Variants in CSMD1 observed in about 807,000 individuals in gnomAD.
The protein encoded by CSMD1 is CUB and Sushi multiple domains 1.
CSMD1 carries 213 observed loss-of-function variants against 417.5 expected under a neutral mutation model. That is an observed-to-expected ratio of 0.51 (90% CI 0.46 to 0.57). The LOEUF (loss-of-function observed/expected upper bound fraction) is 0.57, where lower values mean the gene tolerates loss of function less well. Ranked by LOEUF, CSMD1 falls within the 20% of genes least tolerant of loss-of-function variation. The pLI is 0.00. For missense variants in CSMD1, 6,923 were observed against 4,529.7 expected (o/e 1.53, Z -15.17); for synonymous variants, 2,862 against 1,736.8 (o/e 1.65, Z -16.11).
At chr8:4,611,222 T>C (rs1233375188) in intron 2 of CSMD1, among the ~76,000 whole-genome samples, 1 of 152,174 alleles carries the variant, frequency 6.6e-6, no homozygotes, top group Admixed American at 6.5e-5. Context: ...ATAAAGGAAA[T>C]CTTACAATGG....
In CSMD1 at chr8:4,829,847, A is replaced by T. The variant is rs1378287968; in HGVS notation, c.85+164485T>A. Among the ~76,000 whole-genome samples, 3 of 152,090 alleles carry T rather than the reference A, an allele frequency of 2.0e-5. No individual in the cohort carries two copies. The East Asian group carries it at 5.8e-4, about 29-fold the overall frequency. The stretch of plus-strand genomic sequence containing the variant: ...AGTCAGTGATCGCTTTACCTTGGGG[A>T]CAAGGGGCTGGTCAGAGTGGTACAA... On this transcript the variant is annotated intron_variant, in intron 1 of 69. Coordinates refer to ENST00000635120, the MANE Select transcript of CSMD1 (RefSeq NM_033225.6).
chr8:3,883,023 A>G (rs1179388313), intron 5 of CSMD1, among the ~76,000 whole-genome samples: 2 of 152,186 alleles, frequency 1.3e-5, no homozygotes, highest in Admixed American at 1.3e-4. Context: ...TTTTATCCTG[A>G]ACCAATAAAA....
At chr8:4,698,449 T>C (rs557683968) in intron 1 of CSMD1, among the ~76,000 whole-genome samples, 1 of 152,284 alleles carries the variant, frequency 6.6e-6, no homozygotes, top group East Asian at 1.9e-4. Flanking sequence ...ATTCGCAAAC[T>C]TTCATGCTTA....
At chr8:2,996,831 C>G (rs1164852510) in intron 54 of CSMD1, among the ~76,000 whole-genome samples, 1 of 152,198 alleles carries the variant, frequency 6.6e-6, no homozygotes, top group African/African-American at 2.4e-5. Flanking sequence ...AAAACAAACA[C>G]AAATACAATG....
At chr8:3,000,313 G>T (rs1189422530) in intron 52 of CSMD1, among the ~76,000 whole-genome samples, 182 bp from the exon 53 acceptor site, 2 of 147,794 alleles carry the variant, frequency 1.4e-5, no homozygotes, top group African/African-American at 2.5e-5. Context: ...TTTTTTTTCA[G>T]AAATCCTGGA....
At chr8:3,342,206 C>G (rs986727463) in intron 23 of CSMD1, among the ~76,000 whole-genome samples, 3 of 152,146 alleles carry the variant, frequency 2.0e-5, no homozygotes, top group African/African-American at 7.2e-5. Context: ...CAAAGTCTTA[C>G]AATTCTTCAC....
intron 50 of CSMD1, among the ~76,000 whole-genome samples, chr8:3,029,756 G>T (rs905167396): frequency 1.3e-5 from 2 of 151,976 alleles, no homozygotes; most frequent in African/African-American, 4.8e-5. Flanking sequence ...AGACTGAACT[G>T]TAAAGGGGGT....
At chr8:3,851,902 C>A (rs114922245) in intron 5 of CSMD1, among the ~76,000 whole-genome samples, 40 of 151,872 alleles carry the variant, frequency 2.6e-4, no homozygotes, top group African/African-American at 9.2e-4. Flanking sequence ...GAGATTCTGG[C>A]GGGGTAGAAG....
intron 25 of CSMD1, among the ~76,000 whole-genome samples, chr8:3,292,390 TTC>T (rs758028122): frequency 5.8e-4 from 88 of 152,148 alleles, no homozygotes; most frequent in South Asian, 1.4e-3. Context: ...CTTGTTAACT[TTC>T]TGTCTCGTTG....
At chr8:3,373,392 G>C (rs965901098) in intron 18 of CSMD1, 1 of 152,160 alleles carries the variant, frequency 6.6e-6, no homozygotes, top group African/African-American at 2.4e-5. Context: ...TCTCAGGCTT[G>C]TTTAGATTTA....
chr8:4,373,112 T>A (rs1802498757), intron 3 of CSMD1, among the ~76,000 whole-genome samples: 1 of 152,100 alleles, frequency 6.6e-6, no homozygotes, highest in African/African-American at 2.4e-5. Context: ...CAAACTCCAG[T>A]CTCATCATGA....
intron 4 of CSMD1, among the ~76,000 whole-genome samples, chr8:4,016,520 A>C (rs1423492345): frequency 6.6e-6 from 1 of 152,162 alleles, no homozygotes; most frequent in African/African-American, 2.4e-5. Context: ...GTTTTAGTGA[A>C]GGATCTGGGG....
At chr8:3,201,398 C>G (rs963939997) in intron 32 of CSMD1, among the ~76,000 whole-genome samples, 4 of 152,082 alleles carry the variant, frequency 2.6e-5, no homozygotes, top group Middle Eastern at 3.2e-3. Context: ...TTTCTGCAAT[C>G]TTAGTAAGAT....
chr8:4,699,140 G>C (rs896809536), intron 1 of CSMD1, among the ~76,000 whole-genome samples: 4 of 152,128 alleles, frequency 2.6e-5, no homozygotes, highest in Non-Finnish European at 4.4e-5. Flanking sequence ...GATGATGCCA[G>C]ATTTGGAACA....
At chr8:3,357,496 A>C (rs1217273972) in intron 21 of CSMD1, among the ~76,000 whole-genome samples, 3 of 152,172 alleles carry the variant, frequency 2.0e-5, no homozygotes, top group Non-Finnish European at 4.4e-5. Context: ...TATTCTTCCA[A>C]CTCTAGTTAC....
At chr8:3,252,424 G>C (rs1800339678) in intron 26 of CSMD1, among the ~76,000 whole-genome samples, 1 of 152,174 alleles carries the variant, frequency 6.6e-6, no homozygotes, top group South Asian at 2.1e-4. Context: ...ACTTGATCAT[G>C]GTGGATAAGC....
chr8:4,153,473 C>A (rs1192937575), intron 3 of CSMD1, among the ~76,000 whole-genome samples: 1 of 152,224 alleles, frequency 6.6e-6, no homozygotes, highest in African/African-American at 2.4e-5. Context: ...TTCTGCAGCT[C>A]TGCTTCCCAG....
intron 4 of CSMD1, among the ~76,000 whole-genome samples, chr8:4,028,400 T>C (rs765845865): frequency 2.0e-5 from 3 of 152,094 alleles, no homozygotes; most frequent in Non-Finnish European, 2.9e-5. Flanking sequence ...CAATACATAC[T>C]AGCTTGTGGG....
chr8:3,490,380 G>T (rs1248476127), intron 11 of CSMD1, among the ~76,000 whole-genome samples: 1 of 152,246 alleles, frequency 6.6e-6, no homozygotes, highest in East Asian at 1.9e-4. Context: ...ATGAGTGTAT[G>T]ATTTTAGATC....
Sources: allele counts gnomAD v4.1 joint callset (sites outside exome capture counted in the v4.1 genomes callset), GRCh38; gene constraint gnomAD v4.1.1; transcripts MANE v1.5; gene names NCBI Gene and HGNC (gene_info 2026-07-23, HGNC 2026-07-21).